CPEB3: variants seen among roughly 807,000 people sequenced by gnomAD.
The protein encoded by CPEB3 is cytoplasmic polyadenylation element binding protein 3.
In CPEB3, 20 loss-of-function variants were observed where a neutral mutation model predicts 67.2. The observed-to-expected ratio is 0.30, with a 90% CI of 0.21 to 0.43. The LOEUF (loss-of-function observed/expected upper bound fraction) is 0.43, where lower values mean the gene tolerates loss of function less well. Among genes scored for constraint, CPEB3 ranks in the 20% least tolerant of loss-of-function variants. The probability of loss-of-function intolerance (pLI) is 1.00; values close to 1 mark genes in which losing one functional copy is unlikely to be tolerated. For missense variants in CPEB3, 746 were observed against 968.6 expected (o/e 0.77, Z 3.05); for synonymous variants, 376 against 393.1 (o/e 0.96, Z 0.51).
intron 6 of CPEB3, among the ~76,000 whole-genome samples, chr10:92,120,119 C>CAAGCAA (rs1275934165): frequency 2.4e-5 from 2 of 83,948 alleles, no homozygotes; most frequent in Non-Finnish European, 4.2e-5. Context: ...AAAAAAAAAC[C>CAAGCAA]AAATTGCTAC....
chr10:92,064,868 T>C (rs928214638), intron 9 of CPEB3, among the ~76,000 whole-genome samples: 5 of 152,246 alleles, frequency 3.3e-5, no homozygotes, highest in African/African-American at 9.6e-5. Flanking sequence ...AATACTCTGA[T>C]ACCTCTTAGG....
At chr10:92,213,279 T>C (rs1474711065) in intron 2 of CPEB3, among the ~76,000 whole-genome samples, 1 of 152,198 alleles carries the variant, frequency 6.6e-6, no homozygotes, top group Non-Finnish European at 1.5e-5. Flanking sequence ...AAACTCAGTT[T>C]CATATAATTA....
chr10:92,171,098 C>G (rs555045510), intron 4 of CPEB3, among the ~76,000 whole-genome samples: 2 of 152,308 alleles, frequency 1.3e-5, no homozygotes, highest in East Asian at 3.9e-4. Flanking sequence ...GTTGTCTTCT[C>G]TCTATCAACA....
rs1231530616 is a variant in CPEB3 at position 92,104,928 on chromosome 10, G to T, written c.1572+6148C>A. Reference sequence around the variant, plus strand: ...CTTTTCTTTTTTTTAGAGAGACAGGGGTCTCGCTGTTGCCTATGCTGGAGT... The same window carrying T: ...CTTTTCTTTTTTTTAGAGAGACAGGTGTCTCGCTGTTGCCTATGCTGGAGT... On this transcript the variant is annotated intron_variant, in intron 7 of 9. Coordinates refer to ENST00000265997, the MANE Select transcript of CPEB3 (RefSeq NM_014912.5). Among the ~76,000 whole-genome samples the T allele has an allele frequency of 3.3e-5, 5 of 151,822 alleles. 1 individual carries two copies. The highest frequency in any genetic ancestry group is 2.6e-4 in the Admixed American group (4 of 15,242).
intron 8 of CPEB3, among the ~76,000 whole-genome samples, chr10:92,082,034 A>G (rs557274070): frequency 5.8e-4 from 88 of 152,312 alleles, no homozygotes; most frequent in Non-Finnish European, 9.6e-4. Context: ...AAAAATAAAG[A>G]TTTTAGAGTA....
intron 8 of CPEB3, among the ~76,000 whole-genome samples, chr10:92,091,123 TTTTTG>T (rs1209899154): frequency 6.6e-6 from 1 of 152,232 alleles, no homozygotes; most frequent in African/African-American, 2.4e-5. Flanking sequence ...TGATCTCTGC[TTTTTG>T]TTTTAATTTT....
intron 9 of CPEB3, among the ~76,000 whole-genome samples, chr10:92,061,729 C>CA (rs967119002): frequency 2.6e-5 from 4 of 151,664 alleles, no homozygotes; most frequent in Admixed American, 2.6e-4. Flanking sequence ...ATAATGGGTA[C>CA]AAAAAAATCA....
chr10:92,239,339 G>T lies in CPEB3; in HGVS notation c.1005+7C>A, dbSNP rs777792238. 7 of 1,601,974 alleles carry T rather than the reference G, an allele frequency of 4.4e-6. No individual in the cohort carries two copies. In the East Asian group the frequency reaches 1.6e-4, roughly 36 times the overall value. On this transcript the variant is annotated splice_region_variant and intron_variant, in intron 2 of 9. Transcript: ENST00000265997. This position sits in a 1 kb window ranked among gnomAD's most constrained non-coding sequence, Gnocchi z 6.0. ...GGAAGGAGTGTGTAGGTGCAGCAGA[G>T]TATTACCTGAAATGGCAACAGATTG...
In CPEB3 at chr10:92,052,117, A is replaced by G; in HGVS notation, c.*95T>C. On this transcript the variant is annotated 3_prime_UTR_variant, in exon 10 of 10. Transcript: ENST00000265997. ...TTCTTTAAAAATCGAGAACGAATGC[A>G]CAGATTTCCAGAACACTGTAAGCCC... 1 of 735,590 alleles carries G rather than the reference A, an allele frequency of 1.4e-6. No individual in the cohort carries two copies. Among genetic ancestry groups the G allele is most frequent in the South Asian group, 1.8e-5 (1 of 56,156 alleles). 45.6% of individuals were successfully genotyped at this position (735,590 alleles called of 1,614,324 possible).
chr10:92,120,098 CAAAAAAAAAAA>C, intron 6 of CPEB3, among the ~76,000 whole-genome samples: 1 of 45,246 alleles, frequency 2.2e-5, no homozygotes, highest in South Asian at 5.4e-4. Flanking sequence ...ACTAAAAATA[CAAAAAAAAAAA>C]AAAAAAAACC....
chr10:92,135,125 C>T (rs1846030344), intron 6 of CPEB3, among the ~76,000 whole-genome samples: 1 of 152,194 alleles, frequency 6.6e-6, no homozygotes, highest in African/African-American at 2.4e-5. Flanking sequence ...ATGACTAAAA[C>T]ACCAAAAGCA....
At chr10:92,153,120 C>T (rs527821643) in intron 4 of CPEB3, among the ~76,000 whole-genome samples, 61 of 152,274 alleles carry the variant, frequency 4.0e-4, no homozygotes, top group African/African-American at 1.4e-3. Context: ...CGATTCACGT[C>T]CATGTTTTAT....
At chr10:92,289,732 A>AAAAAAAAAAAAAAAATATAT in intron 1 of CPEB3, among the ~76,000 whole-genome samples, 15 of 75,752 alleles carry the variant, frequency 2.0e-4, no homozygotes, top group Non-Finnish European at 3.1e-4. Flanking sequence ...AAAAAAAAAA[A>AAAAAAAAAAAAAAAATATAT]ATATATATAT....
chr10:92,232,054 T>A, intron 2 of CPEB3, among the ~76,000 whole-genome samples: 1 of 130,716 alleles, frequency 7.7e-6, no homozygotes, highest in Non-Finnish European at 1.6e-5. Context: ...CAAAGCATAA[T>A]TTTTTTTTTT....
At chr10:92,162,724 G>A (rs1204118315) in intron 4 of CPEB3, among the ~76,000 whole-genome samples, 1 of 152,138 alleles carries the variant, frequency 6.6e-6, no homozygotes, top group Non-Finnish European at 1.5e-5. Flanking sequence ...CTGGGCACAT[G>A]AGGCAACACT....
intron 2 of CPEB3, among the ~76,000 whole-genome samples, chr10:92,195,122 A>T (rs1042261863): frequency 2.0e-5 from 3 of 151,930 alleles, no homozygotes; most frequent in Non-Finnish European, 4.4e-5. Context: ...AGAACAGATC[A>T]AGTTTGCTTT....
intron 2 of CPEB3, among the ~76,000 whole-genome samples, chr10:92,209,196 G>A (rs1849946738): frequency 6.6e-6 from 1 of 152,164 alleles, no homozygotes; most frequent in Non-Finnish European, 1.5e-5. Context: ...CTGTGATGTA[G>A]ACATTTTGGA....
At chr10:92,091,638 T>G (rs1050128289) in intron 8 of CPEB3, among the ~76,000 whole-genome samples, 192 bp downstream of exon 8, 1 of 152,226 alleles carries the variant, frequency 6.6e-6, no homozygotes, top group Admixed American at 6.5e-5. Flanking sequence ...AAATTCACTT[T>G]TGCACCATAA....
At position 92,052,392 on chromosome 10, in the gene CPEB3, G is replaced by A. The variant is rs1841930014; in HGVS notation, c.1917C>T (p.Cys639=). 1.2e-6 allele frequency: 2 copies of A among 1,614,042 alleles called. No individual in the cohort carries two copies. The highest frequency in any genetic ancestry group is 2.7e-5 in the African/African-American group (2 of 74,926). Residue 639 remains cysteine, a synonymous_variant, in exon 10 of 10, where the codon TGC becomes TGT. Transcript: ENST00000265997. ...YVLDDQMCDE[C]QGTRCGGKFA... is the part of the protein sequence containing the mutation. ...ACTTCCCACCACAGCGTGTGCCCTG[G>A]CACTCATCACACATCTGATCATCCA...
Sources: gnomAD v4.1 joint callset for allele counts (sites outside exome capture counted in the v4.1 genomes callset) on GRCh38, gnomAD v4.1.1 for gene constraint, Gnocchi (gnomAD v3.1) non-coding constraint, MANE v1.5 for transcripts, NCBI Gene and HGNC (gene_info 2026-07-23, HGNC 2026-07-21) for gene names.